MTMR2: variants seen among roughly 807,000 people sequenced by gnomAD.
MTMR2 encodes the protein phosphatidylinositol-3,5-bisphosphate 3-phosphatase MTMR2.
In MTMR2, 55 loss-of-function variants were observed where a neutral mutation model predicts 86.9. The observed-to-expected ratio is 0.63, with a 90% CI of 0.51 to 0.79. The LOEUF (loss-of-function observed/expected upper bound fraction) is 0.79, where lower values mean the gene tolerates loss of function less well. Ranked by LOEUF, MTMR2 falls within the 30% of genes least tolerant of loss-of-function variation. The pLI, the probability that MTMR2 is intolerant of heterozygous loss-of-function variation, is 0.00. For synonymous variants in MTMR2, 241 were observed against 266.8 expected (o/e 0.90, Z 0.94); for missense variants, 659 against 772.3 (o/e 0.85, Z 1.74).
rs1433784241 is a variant in MTMR2, at chr11:95,857,574, G to A, written c.632C>T (p.Pro211Leu). The change falls in exon 7 of 15, where the codon CCT (proline) becomes CTT (leucine). Residue 211 changes from proline to leucine, a missense_variant. Pro to Leu is a moderately conservative substitution (Grantham distance 98). This residue lies in a region of MTMR2 where 387 missense variants were observed against 526.3 expected (regional missense o/e 0.74). Coordinates refer to ENST00000346299, the MANE Select transcript of MTMR2 (RefSeq NM_016156.6). ...FPENGWKLYD[P>L]LLEYRRQGIP... ...TACCTGCCTTCTATACTCTAAAAGA[G>A]GGTCATATAGCTTCCACCCATTTTC... The A allele has an allele frequency of 6.2e-7, 1 of 1,611,344 alleles. No homozygotes were observed. The highest frequency in any genetic ancestry group is 1.3e-5 in the African/African-American group (1 of 74,802).
At chr11:95,859,157 G>A (rs73531091) in intron 5 of MTMR2, among the ~76,000 whole-genome samples, 8,486 of 152,118 alleles carry the variant, frequency 0.056, 811 homozygotes, top group African/African-American at 0.19. Flanking sequence ...TAAGTCCCCT[G>A]CTACTAGTAG....
chr11:95,894,062 A>G (rs985743508), intron 1 of MTMR2, among the ~76,000 whole-genome samples: 1 of 152,066 alleles, frequency 6.6e-6, no homozygotes, highest in Non-Finnish European at 1.5e-5. Flanking sequence ...TGTAGTTTTT[A>G]CTCATCTGGA....
intron 1 of MTMR2, among the ~76,000 whole-genome samples, chr11:95,922,950 T>C (rs1484621649): frequency 6.6e-6 from 1 of 152,218 alleles, no homozygotes; most frequent in Non-Finnish European, 1.5e-5. Context: ...CTAATAACAA[T>C]TAGACTATTA....
chr11:95,868,917 G>C (rs1864743357), intron 2 of MTMR2, among the ~76,000 whole-genome samples: 1 of 150,470 alleles, frequency 6.6e-6, no homozygotes, highest in African/African-American at 2.4e-5. Context: ...AGATAGCCAG[G>C]TCTCAGAAAA....
chr11:95,910,114 C>T (rs189945311), intron 1 of MTMR2, among the ~76,000 whole-genome samples: 6 of 141,708 alleles, frequency 4.2e-5, no homozygotes, highest in African/African-American at 1.3e-4. Context: ...CACACACACA[C>T]GCACGCATGC....
chr11:95,842,950 G>A (rs1863612336), intron 11 of MTMR2, among the ~76,000 whole-genome samples: 1 of 152,054 alleles, frequency 6.6e-6, no homozygotes, highest in African/African-American at 2.4e-5. Flanking sequence ...TTAATGGCCT[G>A]TGTGACAAAA....
chr11:95,837,658 TAAAA>T (rs1450558404), intron 13 of MTMR2, among the ~76,000 whole-genome samples: 1 of 152,010 alleles, frequency 6.6e-6, no homozygotes, highest in Non-Finnish European at 1.5e-5. Flanking sequence ...CTTTACAACT[TAAAA>T]AACTCAAAAA....
intron 7 of MTMR2, among the ~76,000 whole-genome samples, chr11:95,852,939 G>T (rs1431829444): frequency 2.0e-5 from 3 of 151,952 alleles, no homozygotes; most frequent in Middle Eastern, 3.4e-3. Flanking sequence ...GGAAGCTGAG[G>T]CAGGAGAACT....
At chr11:95,912,412 T>C (rs1020903612) in intron 1 of MTMR2, among the ~76,000 whole-genome samples, 1 of 151,554 alleles carries the variant, frequency 6.6e-6, no homozygotes, top group Non-Finnish European at 1.5e-5. Flanking sequence ...AATTGAAAAA[T>C]ATAATAATTT....
chr11:95,853,852 G>C (rs1337707119), intron 7 of MTMR2, among the ~76,000 whole-genome samples: 1 of 152,064 alleles, frequency 6.6e-6, no homozygotes. Flanking sequence ...ATTAGTTTCT[G>C]AAGTTTTCTT....
Position 95,849,786 on chromosome 11 carries a change from T to C in MTMR2, c.881A>G (p.Lys294Arg). The stretch of plus-strand genomic sequence containing the variant: ...GTATTTTTCATCTTCTTTGCTTCGC[T>C]TTCCACTCACTCCAACCATGGGCTG... ...CSQPMVGVSGKRSKEDEKYLQ... is the reference protein window; with the variant it reads ...CSQPMVGVSGRRSKEDEKYLQ... Residue 294 changes from lysine (K) to arginine (R), a missense_variant, in exon 9 of 15, where the codon AAG (lysine) becomes AGG (arginine). By Grantham distance (26) the Lys-to-Arg change is conservative. Around this residue, in one of 3 missense-constraint regions of MTMR2, gnomAD observed 387 missense variants for 526.3 expected, o/e 0.74. Coordinates refer to ENST00000346299, the MANE Select transcript of MTMR2 (RefSeq NM_016156.6). 1 of 1,614,172 alleles carries C rather than the reference T, an allele frequency of 6.2e-7. No individual in the cohort carries two copies. The highest frequency in any genetic ancestry group is 2.2e-5 in the East Asian group (1 of 44,878).
At chr11:95,865,475 A>T in intron 3 of MTMR2, 126 bp downstream of exon 3, 2 of 871,252 alleles carry the variant, frequency 2.3e-6, no homozygotes, top group Non-Finnish European at 2.0e-6. Flanking sequence ...AGAAGACTGC[A>T]GGTAAAGAGT....
chr11:95,874,225 A>G (rs1232760122), intron 2 of MTMR2, among the ~76,000 whole-genome samples: 1 of 152,180 alleles, frequency 6.6e-6, no homozygotes, highest in Non-Finnish European at 1.5e-5. Flanking sequence ...ATTGTGTGGG[A>G]GTCTGAGTCT....
At position 95,857,555 on chromosome 11, in the gene MTMR2, C is replaced by A; in HGVS notation, c.651G>T (p.Arg217Ser). The A allele has an allele frequency of 1.2e-6, 2 of 1,601,446 alleles. No individual in the cohort carries two copies. The highest frequency in any genetic ancestry group is 1.7e-6 in the Non-Finnish European group (2 of 1,168,822). Residue 217 changes from arginine to serine, a missense_variant, in exon 7 of 15, where the codon AGG becomes AGT. Coordinates refer to ENST00000346299, the MANE Select transcript of MTMR2 (RefSeq NM_016156.6). ...KLYDPLLEYR[R>S]QGIPNESWRI... The stretch of plus-strand genomic sequence containing the variant: ...TGAAAGAGAAGAAAGTACATACCTG[C>A]CTTCTATACTCTAAAAGAGGGTCAT...
At chr11:95,892,974 T>C (rs529254563) in intron 1 of MTMR2, among the ~76,000 whole-genome samples, 95 of 152,234 alleles carry the variant, frequency 6.2e-4, no homozygotes, top group African/African-American at 2.2e-3. Context: ...AGCTGAACTC[T>C]CAGGCTTCTA....
At chr11:95,861,942 T>A (rs1183901840) in intron 5 of MTMR2, 50 bp downstream of exon 5, 1 of 1,326,978 alleles carries the variant, frequency 7.5e-7, no homozygotes, top group Admixed American at 1.7e-5. Context: ...TTCTATTTAA[T>A]ACAAAGCTTT....
At chr11:95,865,021 A>G (rs117928456) in intron 3 of MTMR2, among the ~76,000 whole-genome samples, 2,514 of 152,282 alleles carry the variant, frequency 0.017, 33 homozygotes, top group South Asian at 0.062. Flanking sequence ...GCATGAGGAA[A>G]AAAAACACAG....
rs149187983 is a variant in MTMR2, at chr11:95,861,402, GTTATTATTATTATTA to G, written c.468+575_468+589del. 1.0e-3 allele frequency among the ~76,000 whole-genome samples: 144 copies of G among 140,970 alleles called. 1 individual carries two copies. Among genetic ancestry groups the G allele is most frequent in the South Asian group, 2.5e-3 (11 of 4,334 alleles). 92.5% of individuals were successfully genotyped at this position (140,970 alleles called of 152,430 possible). On this transcript the variant is annotated intron_variant, in intron 5 of 14. Transcript: ENST00000346299. ...ATCAGTACTATGTGCATTAAAGATGGTTATTATTATTATTATTATTATTATTATTATTATTATTTC... is the reference window on the plus strand; with the variant it reads ...ATCAGTACTATGTGCATTAAAGATGGTTATTATTATTATTATTATTATTTC...
chr11:95,911,076 C>T (rs1248845420), intron 1 of MTMR2, among the ~76,000 whole-genome samples: 2 of 152,056 alleles, frequency 1.3e-5, no homozygotes, highest in African/African-American at 4.8e-5. Flanking sequence ...AAGATAAAAA[C>T]GATTATATAA....
Sources: allele counts gnomAD v4.1 joint callset (sites outside exome capture counted in the v4.1 genomes callset), GRCh38; gene constraint gnomAD v4.1.1; regional missense constraint gnomAD v4.1.1; transcripts MANE v1.5; gene names NCBI Gene and HGNC (gene_info 2026-07-23, HGNC 2026-07-21).